Variants in NEK10 observed in about 807,000 individuals in gnomAD.
The protein encoded by NEK10 is serine/threonine-protein kinase Nek10.
In NEK10, 122 loss-of-function variants were observed where a neutral mutation model predicts 159.8. The ratio of observed to expected loss-of-function variants is 0.76; its 90% CI spans 0.66 to 0.89. The LOEUF (loss-of-function observed/expected upper bound fraction) is 0.89. Ranked by LOEUF, NEK10 falls within the 40% of genes least tolerant of loss-of-function variation. The pLI, the probability that NEK10 is intolerant of heterozygous loss-of-function variation, is 0.00. For synonymous variants in NEK10, 466 were observed against 457.1 expected (o/e 1.02, Z -0.25); for missense variants, 1,342 against 1,323.1 (o/e 1.01, Z -0.22).
At chr3:27,366,162 T>C (rs1164332618) in intron 1 of NEK10, among the ~76,000 whole-genome samples, 2 of 152,164 alleles carry the variant, frequency 1.3e-5, no homozygotes, top group African/African-American at 4.8e-5. Flanking sequence ...AAGAAATTTT[T>C]CCATATTAAT....
rs1346037289 is a variant in NEK10, at chr3:27,228,417, G to A, written c.2091-25860C>T. Among the ~76,000 whole-genome samples, 3 of 152,052 alleles carry A rather than the reference G, an allele frequency of 2.0e-5. No homozygotes were observed. In the East Asian group the frequency reaches 5.8e-4, roughly 29 times the overall value. ...GAAACTCTCTGGCCCTATTTTCTCA[G>A]TGGTCCAAAACAATTTCAGTAAATA... On this transcript the variant is annotated intron_variant, in intron 23 of 35. Coordinates refer to ENST00000691995, the MANE Select transcript of NEK10 (RefSeq NM_001394966.1).
intron 26 of NEK10, among the ~76,000 whole-genome samples, chr3:27,191,028 T>C (rs1455538017): frequency 6.6e-6 from 1 of 152,214 alleles, no homozygotes; most frequent in African/African-American, 2.4e-5. Context: ...CCTTCCCAAA[T>C]GAAAACTAGA....
chr3:27,263,979 TAGTAG>T (rs2149363711), intron 22 of NEK10, among the ~76,000 whole-genome samples: 1 of 152,274 alleles, frequency 6.6e-6, no homozygotes, highest in South Asian at 2.1e-4. Context: ...TAAATACATG[TAGTAG>T]AGTATTGAAT....
intron 30 of NEK10, among the ~76,000 whole-genome samples, chr3:27,156,135 C>T (rs1945394194): frequency 6.6e-6 from 1 of 152,048 alleles, no homozygotes; most frequent in Admixed American, 6.6e-5. Flanking sequence ...CAAAAATCAG[C>T]TCAAGATGGA....
intron 23 of NEK10, among the ~76,000 whole-genome samples, chr3:27,213,613 C>T (rs1951216116): frequency 6.6e-6 from 1 of 152,222 alleles, no homozygotes; most frequent in East Asian, 1.9e-4. Context: ...TAGTTCAGGC[C>T]GTGATAGGTA....
At chr3:27,352,964 G>T (rs1271140275) in intron 1 of NEK10, 45 bp from the exon 2 acceptor site, 1 of 906,054 alleles carries the variant, frequency 1.1e-6, no homozygotes, top group Non-Finnish European at 1.8e-6. Context: ...GGTTGCGTGT[G>T]CCAAAATATT....
chr3:27,330,743 G>T (rs1445834279), intron 5 of NEK10, among the ~76,000 whole-genome samples: 2 of 152,100 alleles, frequency 1.3e-5, no homozygotes, highest in Non-Finnish European at 2.9e-5. Flanking sequence ...AGTGCTTCAG[G>T]CAGAGGACTA....
At chr3:27,139,915 G>C (rs1943613046) in intron 31 of NEK10, among the ~76,000 whole-genome samples, 1 of 152,186 alleles carries the variant, frequency 6.6e-6, no homozygotes, top group South Asian at 2.1e-4. Context: ...CAGCATCCTT[G>C]AAAAGCCCTG....
chr3:27,200,116 T>G (rs994673842), intron 25 of NEK10, among the ~76,000 whole-genome samples: 1 of 152,070 alleles, frequency 6.6e-6, no homozygotes, highest in African/African-American at 2.4e-5. Flanking sequence ...TTAAAAATTT[T>G]AAAAAAATCA....
intron 6 of NEK10, among the ~76,000 whole-genome samples, chr3:27,320,595 A>G (rs576050540): frequency 6.6e-6 from 1 of 152,300 alleles, no homozygotes; most frequent in Non-Finnish European, 1.5e-5. Flanking sequence ...CAGCTCAGAA[A>G]TGCATGGAAC....
chr3:27,334,493 G>C (rs1006808058), intron 5 of NEK10, among the ~76,000 whole-genome samples: 2 of 152,140 alleles, frequency 1.3e-5, no homozygotes, highest in Admixed American at 6.5e-5. Context: ...CCCCAGGATA[G>C]GCATGATATC....
At chr3:27,228,934 C>G (rs1313644273) in intron 23 of NEK10, among the ~76,000 whole-genome samples, 1 of 152,106 alleles carries the variant, frequency 6.6e-6, no homozygotes, top group Non-Finnish European at 1.5e-5. Context: ...GCTCCCCCAG[C>G]CACCTTCATG....
intron 22 of NEK10, among the ~76,000 whole-genome samples, chr3:27,267,877 G>T (rs530712702): frequency 6.6e-6 from 1 of 152,312 alleles, no homozygotes; most frequent in South Asian, 2.1e-4. Flanking sequence ...CAGGCTGAAA[G>T]TTAGGCCTCT....
At chr3:27,310,736 G>A in intron 9 of NEK10, 2 of 408,638 alleles carry the variant, frequency 4.9e-6, no homozygotes, top group Non-Finnish European at 8.6e-6. Context: ...AAAAAGAAAA[G>A]AGTTCCAGAA....
At chr3:27,144,998 C>T (rs1944157898) in intron 30 of NEK10, among the ~76,000 whole-genome samples, 1 of 151,900 alleles carries the variant, frequency 6.6e-6, no homozygotes, top group South Asian at 2.1e-4. Context: ...TATTTTTATT[C>T]TTCATTTAAA....
chr3:27,251,999 C>T (rs1955719470), intron 23 of NEK10, among the ~76,000 whole-genome samples: 1 of 152,066 alleles, frequency 6.6e-6, no homozygotes, highest in South Asian at 2.1e-4. Flanking sequence ...TACTAGAACT[C>T]AATAAAAATA....
At chr3:27,126,360 G>C (rs1941944399) in intron 32 of NEK10, among the ~76,000 whole-genome samples, 1 of 152,134 alleles carries the variant, frequency 6.6e-6, no homozygotes, top group Non-Finnish European at 1.5e-5. Flanking sequence ...GTGATCTATA[G>C]AATTACAGCA....
At chr3:27,162,497 G>T (rs1411280452) in intron 30 of NEK10, 1 of 1,614,028 alleles carries the variant, frequency 6.2e-7, no homozygotes, top group African/African-American at 1.3e-5. Context: ...ACAGCAGGAA[G>T]GCTATGGGAC....
chr3:27,119,646 A>C lies in NEK10; in HGVS notation c.3190+114T>G, dbSNP rs1035637000. ...TGCCTTCCAACTATTGCTATAAATA[A>C]TCAAAACAAGCTCTATTTAAAAAAA... is the stretch of plus-strand genomic sequence containing the variant. On this transcript the variant is annotated intron_variant, in intron 33 of 35. Coordinates refer to ENST00000691995, the MANE Select transcript of NEK10 (RefSeq NM_001394966.1). 80 of 751,398 alleles carry C rather than the reference A, an allele frequency of 1.1e-4. No homozygotes were observed. The African/African-American group carries it at 1.3e-3, about 12-fold the overall frequency. The allele number at this position is 751,398 out of a possible 1,614,324, so 46.5% of individuals were successfully genotyped here. A position where few individuals can be genotyped will look rare whatever the true frequency, so the allele number is the denominator to read the frequency against.
Sources: gnomAD v4.1 joint callset for allele counts (sites outside exome capture counted in the v4.1 genomes callset) on GRCh38, gnomAD v4.1.1 for gene constraint, MANE v1.5 for transcripts, NCBI Gene and HGNC (gene_info 2026-07-23, HGNC 2026-07-21) for gene names.